CCDC66: variants seen among roughly 807,000 people sequenced by gnomAD.
The protein encoded by CCDC66 is coiled-coil domain-containing protein 66.
Under a neutral mutation model 128.3 loss-of-function variants are expected in CCDC66, and 133 were observed. The observed-to-expected ratio is 1.04, with a 90% CI of 0.90 to 1.20. The LOEUF is 1.20. Ranked by LOEUF, CCDC66 falls within the 50% of genes most tolerant of loss-of-function variation. The pLI is 0.00. For missense variants in CCDC66, 1,126 were observed against 1,075.5 expected (o/e 1.05, Z -0.66); for synonymous variants, 387 against 357.0 (o/e 1.08, Z -0.95).
At chr3:56,599,669 T>C (rs1040761443) in intron 10 of CCDC66, among the ~76,000 whole-genome samples, 1 of 152,048 alleles carries the variant, frequency 6.6e-6, no homozygotes, top group Non-Finnish European at 1.5e-5. Flanking sequence ...TGGTTTAATT[T>C]CTATTTATTG....
intron 10 of CCDC66, among the ~76,000 whole-genome samples, chr3:56,597,792 T>TTTTTTTTTTTTTTTTTTTTTTTA (rs2072348913): frequency 7.0e-6 from 1 of 143,256 alleles, no homozygotes; most frequent in Non-Finnish European, 1.5e-5. Flanking sequence ...TTTTTTTTTT[T>TTTTTTTTTTTTTTTTTTTTTTTA]GAGACAGAGC....
intron 14 of CCDC66, chr3:56,617,860 C>A: frequency 1.8e-6 from 1 of 570,766 alleles, no homozygotes; most frequent in African/African-American, 1.9e-5. Flanking sequence ...ATATGGCCCA[C>A]AAAGCTGAAA....
At chr3:56,614,151 A>G (rs1310047351) in intron 11 of CCDC66, among the ~76,000 whole-genome samples, 1 of 152,234 alleles carries the variant, frequency 6.6e-6, no homozygotes, top group African/African-American at 2.4e-5. Flanking sequence ...GAAGCTATGT[A>G]TGGAAATGTC....
intron 7 of CCDC66, among the ~76,000 whole-genome samples, chr3:56,577,794 C>T (rs1020097947): frequency 6.6e-6 from 1 of 151,780 alleles, no homozygotes; most frequent in Non-Finnish European, 1.5e-5. Flanking sequence ...GTTTTGGTAC[C>T]AGTACCATGC....
chr3:56,614,517 T>C (rs937807879), intron 11 of CCDC66, among the ~76,000 whole-genome samples: 1 of 152,216 alleles, frequency 6.6e-6, no homozygotes, highest in Non-Finnish European at 1.5e-5. Flanking sequence ...AAAAAGTAGA[T>C]ACCTAGTTGG....
rs566241439 is a variant in CCDC66, at chr3:56,610,407, A to G, written c.1405-3182A>G. On this transcript the variant is annotated intron_variant, in intron 10 of 17. Transcript: ENST00000394672. The stretch of plus-strand genomic sequence containing the variant: ...TTCACATTTCTAAAAGTGTGTCCAA[A>G]GTTTCCTGAATTTTTGGTTTTTTCT... Among the ~76,000 whole-genome samples, 6 of 152,232 alleles carry G rather than the reference A, an allele frequency of 3.9e-5. No homozygotes were observed. In the East Asian group the frequency reaches 1.2e-3, roughly 29 times the overall value.
At chr3:56,561,322 T>C in intron 3 of CCDC66, 1 of 456,146 alleles carries the variant, frequency 2.2e-6, no homozygotes, top group Non-Finnish European at 4.4e-6. Flanking sequence ...ACTCAGAACA[T>C]CTGAAGATCC....
intron 7 of CCDC66, among the ~76,000 whole-genome samples, chr3:56,586,211 G>C (rs562464336): frequency 1.3e-5 from 2 of 152,040 alleles, no homozygotes; most frequent in East Asian, 2.0e-4. Context: ...GTGAAAATCA[G>C]ATAAAAGTTA....
intron 10 of CCDC66, among the ~76,000 whole-genome samples, chr3:56,595,326 CATTAGAACTT>C (rs2071679469): frequency 6.6e-6 from 1 of 152,132 alleles, no homozygotes; most frequent in Non-Finnish European, 1.5e-5. Flanking sequence ...TGCTATCAAA[CATTAGAACTT>C]ATTCCTTTCA....
At chr3:56,614,304 T>C (rs2107348183) in intron 11 of CCDC66, among the ~76,000 whole-genome samples, 1 of 152,324 alleles carries the variant, frequency 6.6e-6, no homozygotes, top group South Asian at 2.1e-4. Flanking sequence ...GCAAATTACC[T>C]ATGTGCTTCA....
chr3:56,618,848 C>A, intron 15 of CCDC66: 1 of 159,906 alleles, frequency 6.3e-6, no homozygotes, highest in South Asian at 1.9e-4. Flanking sequence ...ATTCTCTTCC[C>A]CGGTTTTATG....
intron 7 of CCDC66, among the ~76,000 whole-genome samples, chr3:56,583,911 C>CT (rs34508526): frequency 0.11 from 8,515 of 75,142 alleles, 705 homozygotes; most frequent in East Asian, 0.2. Context: ...GATGGGGCGG[C>CT]GGCTGGGCGG....
At position 56,616,835 on chromosome 3, in the gene CCDC66, C is replaced by A. The variant is rs971514923; in HGVS notation, c.1844-277C>A. ...TATTCTACTGGTTGTGAAGTGGTAT[C>A]TCAGGTGGTTTTGGTTTGCATTTCC... On this transcript the variant is annotated intron_variant, in intron 13 of 17. Transcript: ENST00000394672. The A allele has an allele frequency of 5.7e-5, 18 of 316,026 alleles. 1 individual carries two copies. The highest frequency in any genetic ancestry group is 9.3e-5 in the Admixed American group (2 of 21,444). The allele number at this position is 316,026 out of a possible 1,614,324, so 19.6% of individuals were successfully genotyped here.
chr3:56,563,402 A>C lies in CCDC66; in HGVS notation c.103-282A>C, dbSNP rs1403650698. 1.2e-5 allele frequency: 3 copies of C among 258,824 alleles called. No homozygotes were observed. In the South Asian group the frequency reaches 4.5e-4, roughly 38 times the overall value. The allele number at this position is 258,824 out of a possible 1,614,324, so 16.0% of individuals were successfully genotyped here. ...AAAAATTTTTTTAATTGAAAAAAAAAAAAAAGAGATAATGTAGGTGGTATA... is the reference window on the plus strand; with the variant it reads ...AAAAATTTTTTTAATTGAAAAAAAACAAAAAGAGATAATGTAGGTGGTATA... On this transcript the variant is annotated intron_variant, in intron 3 of 17. Transcript: ENST00000394672.
At chr3:56,609,408 G>C (rs2074490379) in intron 10 of CCDC66, among the ~76,000 whole-genome samples, 1 of 152,182 alleles carries the variant, frequency 6.6e-6, no homozygotes, top group Non-Finnish European at 1.5e-5. Flanking sequence ...TATAAGAATA[G>C]CTATCCTGTT....
intron 15 of CCDC66, 75 bp downstream of exon 15, chr3:56,618,287 G>T (rs771817864): frequency 1.5e-5 from 19 of 1,271,806 alleles, no homozygotes; most frequent in Non-Finnish European, 2.2e-5. Context: ...TCAAGATCTG[G>T]ACAGCATCAT....
intron 7 of CCDC66, among the ~76,000 whole-genome samples, chr3:56,584,709 C>T (rs1013183766): frequency 2.0e-5 from 3 of 151,916 alleles, no homozygotes; most frequent in Non-Finnish European, 4.4e-5. Context: ...GCAGAGGCTG[C>T]AATCTCGGCA....
intron 10 of CCDC66, among the ~76,000 whole-genome samples, chr3:56,599,714 C>T (rs1470855531): frequency 6.6e-6 from 1 of 151,966 alleles, no homozygotes; most frequent in Non-Finnish European, 1.5e-5. Flanking sequence ...TTATTGATTA[C>T]TGGTTTTGTT....
In CCDC66 at chr3:56,619,332, C is replaced by A. The variant is rs141741179; in HGVS notation, c.2440C>A (p.His814Asn). The A allele has an allele frequency of 6.2e-7, 1 of 1,613,508 alleles. No individual in the cohort carries two copies. Among genetic ancestry groups the A allele is most frequent in the South Asian group, 1.1e-5 (1 of 91,052 alleles). ...AACCCAACAAACTCAAAATACATTA[C>A]ATTTACCACTAAAAAACAGTAGCTA... ...NRTQQTQNTL[H>N]LPLKNSSYER... Residue 814 changes from histidine (H) to asparagine (N), a missense_variant, in exon 16 of 18, where the codon CAT becomes AAT. Coordinates refer to ENST00000394672, the MANE Select transcript of CCDC66 (RefSeq NM_001141947.3).
Sources: gnomAD v4.1 joint callset for allele counts (sites outside exome capture counted in the v4.1 genomes callset) on GRCh38, gnomAD v4.1.1 for gene constraint, MANE v1.5 for transcripts, NCBI Gene and HGNC (gene_info 2026-07-23, HGNC 2026-07-21) for gene names.